PPIG: variants seen among roughly 807,000 people sequenced by gnomAD.
PPIG encodes peptidyl-prolyl cis-trans isomerase G.
PPIG carries 26 observed loss-of-function variants against 87.9 expected under a neutral mutation model. The observed-to-expected ratio is 0.30, with a 90% CI of 0.22 to 0.41. The LOEUF is 0.41. PPIG is among the 10% of genes least tolerant of loss of function. The pLI is 1.00. For missense variants in PPIG, 722 were observed against 879.4 expected (o/e 0.82, Z 2.26); for synonymous variants, 308 against 276.5 (o/e 1.11, Z -1.13).
intron 11 of PPIG, 88 bp downstream of exon 11, chr2:169,632,021 G>A: frequency 7.6e-7 from 1 of 1,320,584 alleles, no homozygotes; most frequent in Non-Finnish European, 9.9e-7. Flanking sequence ...AGATTTAATT[G>A]GTGACCTTGT....
chr2:169,627,334 C>A (rs772285857), intron 9 of PPIG, among the ~76,000 whole-genome samples: 53 of 152,180 alleles, frequency 3.5e-4, no homozygotes, highest in Non-Finnish European at 5.7e-4. Context: ...TGACCTCAAC[C>A]GATCCACTAG....
At chr2:169,599,615 G>C (rs1228710955) in intron 1 of PPIG, among the ~76,000 whole-genome samples, 4 of 152,082 alleles carry the variant, frequency 2.6e-5, no homozygotes, top group African/African-American at 9.7e-5. Flanking sequence ...CAAAACTGCT[G>C]GTGCCTTTTA....
At chr2:169,597,285 G>T (rs372933371) in intron 1 of PPIG, among the ~76,000 whole-genome samples, 1 of 151,986 alleles carries the variant, frequency 6.6e-6, no homozygotes, top group South Asian at 2.1e-4. Context: ...TTTTTGTTAA[G>T]CAAATACATA....
At chr2:169,625,237 T>G (rs1685854079) in intron 9 of PPIG, among the ~76,000 whole-genome samples, 1 of 152,228 alleles carries the variant, frequency 6.6e-6, no homozygotes, top group Non-Finnish European at 1.5e-5. Flanking sequence ...TTTAAAAATT[T>G]AATACATTTA....
intron 9 of PPIG, among the ~76,000 whole-genome samples, chr2:169,625,342 G>A (rs1213027936): frequency 6.6e-6 from 1 of 152,198 alleles, no homozygotes; most frequent in Non-Finnish European, 1.5e-5. Context: ...TTCCACGTGT[G>A]TGTGAATGTT....
At chr2:169,630,055 C>G (rs1301774692) in intron 9 of PPIG, among the ~76,000 whole-genome samples, 1 of 152,028 alleles carries the variant, frequency 6.6e-6, no homozygotes, top group East Asian at 1.9e-4. Flanking sequence ...CAAGCTCCTC[C>G]CAATTTGTAG....
chr2:169,639,057 A>G lies in PPIG; in HGVS notation c.*1534A>G, dbSNP rs1686253577. On this transcript the variant is annotated 3_prime_UTR_variant, in exon 14 of 14. Coordinates refer to ENST00000260970, the MANE Select transcript of PPIG (RefSeq NM_004792.3). The stretch of plus-strand genomic sequence containing the variant: ...ATACTTCCCACTATTGATTAATGCA[A>G]TATTGATATATTTGGCGTTGTGGTA... The G allele has an allele frequency of 6.6e-6, 1 of 152,038 alleles. No homozygotes were observed. The highest frequency in any genetic ancestry group is 6.6e-5 in the Admixed American group (1 of 15,250). The allele number at this position is 152,038 out of a possible 1,614,324, so 9.4% of individuals were successfully genotyped here.
At chr2:169,602,245 C>G (rs951533878) in intron 1 of PPIG, among the ~76,000 whole-genome samples, 2 of 151,980 alleles carry the variant, frequency 1.3e-5, no homozygotes, top group African/African-American at 2.4e-5. Context: ...TGAAACACTT[C>G]TGGTCCCAAG....
Position 169,636,092 on chromosome 2 carries a change from C to T in PPIG, c.1018C>T (p.Arg340Cys). 2.5e-6 allele frequency: 4 copies of T among 1,592,144 alleles called. No individual in the cohort carries two copies. Among genetic ancestry groups the T allele is most frequent in the Non-Finnish European group, 2.6e-6 (3 of 1,171,088 alleles). ...GRKIKGRGPRRYRTPSRSRSR... is the reference protein window; with the variant it reads ...GRKIKGRGPRCYRTPSRSRSR... ...TTTTCCCTATTTTAATTTTCTTTAG[C>T]GTTATCGAACTCCTTCCAGATCCAG... Residue 340 changes from arginine to cysteine, a missense_variant and splice_region_variant, in exon 13 of 14, where the codon CGT becomes TGT. Around this residue, in one of 4 missense-constraint regions of PPIG, gnomAD observed 476 missense variants for 483.1 expected, o/e 0.99. Transcript: ENST00000260970.
chr2:169,624,076 C>T (rs1291587296), intron 9 of PPIG, among the ~76,000 whole-genome samples: 2 of 152,216 alleles, frequency 1.3e-5, no homozygotes, highest in Non-Finnish European at 2.9e-5. Context: ...AGTCAATTCT[C>T]CCACCTCAGC....
At chr2:169,622,036 T>C (rs1167016038) in intron 9 of PPIG, among the ~76,000 whole-genome samples, 1 of 151,876 alleles carries the variant, frequency 6.6e-6, no homozygotes, top group African/African-American at 2.4e-5. Context: ...ATAGCCTGGG[T>C]GACACAACAA....
At chr2:169,620,347 TTG>T (rs1400341064) in intron 9 of PPIG, among the ~76,000 whole-genome samples, 2 of 152,128 alleles carry the variant, frequency 1.3e-5, no homozygotes, top group African/African-American at 4.8e-5. Flanking sequence ...CCTTTCCCCA[TTG>T]TGTGTTCTTG....
chr2:169,631,124 C>CT, intron 10 of PPIG, 137 bp downstream of exon 10: 1 of 806,688 alleles, frequency 1.2e-6, no homozygotes. Context: ...TTTGATATTC[C>CT]ACAGTCTATA....
intron 4 of PPIG, among the ~76,000 whole-genome samples, chr2:169,605,329 T>C (rs1218760429): frequency 6.6e-6 from 1 of 151,732 alleles, no homozygotes. Context: ...TGAAACTCTG[T>C]CTCAAAAAAA....
intron 1 of PPIG, among the ~76,000 whole-genome samples, chr2:169,591,920 ATTTTTTT>A (rs3067016): frequency 3.4e-4 from 30 of 87,412 alleles, no homozygotes; most frequent in African/African-American, 1.1e-3. Context: ...GCAATTCATG[ATTTTTTT>A]TTTTTTTTTT....
Position 169,637,155 on chromosome 2 carries a change from A to G in PPIG, c.1897A>G (p.Arg633Gly), listed in dbSNP as rs1216904279. The G allele has an allele frequency of 6.2e-7, 1 of 1,612,674 alleles. No individual in the cohort carries two copies. The highest frequency in any genetic ancestry group is 1.3e-5 in the African/African-American group (1 of 74,838). The change falls in exon 14 of 14, where the codon AGA (arginine) becomes GGA (glycine). Residue 633 changes from arginine (R) to glycine (G), a missense_variant. Physicochemically the swap from Arg to Gly is moderately radical, Grantham distance 125. Around this residue, in one of 4 missense-constraint regions of PPIG, gnomAD observed 476 missense variants for 483.1 expected, o/e 0.99. Transcript: ENST00000260970. ...GAGGAGAGACTCACGGAGCTCAGAG[A>G]GAGAAGAAAGTCAAAGCAGAAACAA... is the stretch of plus-strand genomic sequence containing the variant. ...RRRRDSRSSE[R>G]EESQSRNKDK...
At position 169,593,388 on chromosome 2, in the gene PPIG, G is replaced by A. The variant is rs535959946; in HGVS notation, c.-70+8898G>A. ...TTTTTGTATTTTTAGTAGAGATGGG[G>A]TTTCACCACATTGGTCAGGCTGGTC... On this transcript the variant is annotated intron_variant, in intron 1 of 13. Coordinates refer to ENST00000260970, the MANE Select transcript of PPIG (RefSeq NM_004792.3). Among the ~76,000 whole-genome samples, 10 of 151,634 alleles carry A rather than the reference G, an allele frequency of 6.6e-5. No individual in the cohort carries two copies. In the East Asian group the frequency reaches 2.0e-3, roughly 30 times the overall value.
chr2:169,636,996 C>T lies in PPIG; in HGVS notation c.1738C>T (p.His580Tyr). The change falls in exon 14 of 14, where the codon CAT (histidine) becomes TAT (tyrosine). Residue 580 changes from histidine (H) to tyrosine (Y), a missense_variant. By Grantham distance (83) the His-to-Tyr change is moderately conservative. This residue lies in a region of PPIG where 476 missense variants were observed against 483.1 expected (regional missense o/e 0.99). Coordinates refer to ENST00000260970, the MANE Select transcript of PPIG (RefSeq NM_004792.3). ...AAGCAGAAGAGTGCGATCAAGAACCCATGACAGAGATCGCAGCAGAAGCAA... is the reference window on the plus strand; with the variant it reads ...AAGCAGAAGAGTGCGATCAAGAACCTATGACAGAGATCGCAGCAGAAGCAA... The part of the protein sequence containing the change: ...DRSRRVRSRT[H>Y]DRDRSRSKEY... 1 of 1,613,760 alleles carries T rather than the reference C, an allele frequency of 6.2e-7. No homozygotes were observed. Among genetic ancestry groups the T allele is most frequent in the Non-Finnish European group, 8.5e-7 (1 of 1,179,918 alleles).
intron 7 of PPIG, among the ~76,000 whole-genome samples, chr2:169,612,085 A>T (rs917704748): frequency 6.6e-6 from 1 of 151,814 alleles, no homozygotes; most frequent in Non-Finnish European, 1.5e-5. Flanking sequence ...AAGTGATCCT[A>T]CCGCCTCAGC....
Sources: allele counts gnomAD v4.1 joint callset (sites outside exome capture counted in the v4.1 genomes callset), GRCh38; gene constraint gnomAD v4.1.1; regional missense constraint gnomAD v4.1.1; transcripts MANE v1.5; gene names NCBI Gene and HGNC (gene_info 2026-07-23, HGNC 2026-07-21).